The following UNC5D variants were observed in gnomAD, a reference collection of about 807,000 sequenced individuals.
UNC5D encodes netrin receptor UNC5D.
Under a neutral mutation model 105.4 loss-of-function variants are expected in UNC5D, and 39 were observed. The observed-to-expected ratio is 0.37, with a 90% confidence interval of 0.29 to 0.48. UNC5D has a LOEUF of 0.48. UNC5D is among the 20% of genes least tolerant of loss of function. UNC5D has a pLI of 0.98. For missense variants in UNC5D, 991 were observed against 1,202.4 expected (o/e 0.82, Z 2.60); for synonymous variants, 452 against 450.4 (o/e 1.00, Z -0.04).
intron 1 of UNC5D, among the ~76,000 whole-genome samples, chr8:35,253,151 T>C (rs907940437): frequency 2.6e-5 from 4 of 151,924 alleles, no homozygotes; most frequent in South Asian, 4.1e-4. Context: ...TAATGTGTTA[T>C]ATGTGATTGG....
At chr8:35,591,286 A>G (rs894440169) in intron 3 of UNC5D, among the ~76,000 whole-genome samples, 1 of 152,148 alleles carries the variant, frequency 6.6e-6, no homozygotes. Flanking sequence ...AAAGAATTTG[A>G]TTAAGTATAC....
At chr8:35,395,878 A>G (rs966825629) in intron 1 of UNC5D, among the ~76,000 whole-genome samples, 3 of 152,176 alleles carry the variant, frequency 2.0e-5, no homozygotes, top group African/African-American at 7.2e-5. Context: ...TCGATTCTTC[A>G]GCACAGGATA....
chr8:35,677,390 A>G (rs1825316184), intron 4 of UNC5D, among the ~76,000 whole-genome samples: 1 of 152,088 alleles, frequency 6.6e-6, no homozygotes, highest in Non-Finnish European at 1.5e-5. Flanking sequence ...GGGGTCTCGT[A>G]CCCAGCACCA....
At chr8:35,450,511 C>G (rs939749634) in intron 1 of UNC5D, among the ~76,000 whole-genome samples, 1 of 152,072 alleles carries the variant, frequency 6.6e-6, no homozygotes, top group Non-Finnish European at 1.5e-5. Flanking sequence ...GTCGAATGAA[C>G]AAAATAATGC....
intron 4 of UNC5D, among the ~76,000 whole-genome samples, chr8:35,676,250 T>G (rs1825211674): frequency 6.6e-6 from 1 of 152,240 alleles, no homozygotes; most frequent in Non-Finnish European, 1.5e-5. Flanking sequence ...AGACCATCTG[T>G]ACATAACACT....
At chr8:35,692,103 T>G (rs1352172504) in intron 7 of UNC5D, among the ~76,000 whole-genome samples, 1 of 152,146 alleles carries the variant, frequency 6.6e-6, no homozygotes, top group African/African-American at 2.4e-5. Context: ...GTTCAAAAAC[T>G]GAAATATCAG....
chr8:35,238,517 G>GTTGT (rs2128798759), intron 1 of UNC5D, among the ~76,000 whole-genome samples: 2 of 152,304 alleles, frequency 1.3e-5, no homozygotes, highest in South Asian at 4.1e-4. Flanking sequence ...TTAAAAGGAG[G>GTTGT]TTGTTTAAAA....
chr8:35,420,145 C>T (rs1371053170), intron 1 of UNC5D, among the ~76,000 whole-genome samples: 2 of 152,150 alleles, frequency 1.3e-5, no homozygotes, highest in Non-Finnish European at 2.9e-5. Flanking sequence ...CCTGTGCCTG[C>T]CTGCCTAGGA....
chr8:35,466,044 G>A (rs766630417), intron 1 of UNC5D, among the ~76,000 whole-genome samples: 9 of 152,182 alleles, frequency 5.9e-5, no homozygotes, highest in Non-Finnish European at 8.8e-5. Flanking sequence ...AGTGATGCCT[G>A]TATTAGACTT....
chr8:35,728,494 G>A (rs1377031891), intron 10 of UNC5D, among the ~76,000 whole-genome samples: 1 of 152,172 alleles, frequency 6.6e-6, no homozygotes, highest in East Asian at 1.9e-4. Context: ...CCTTGAAATG[G>A]GGCATTTTCA....
At chr8:35,773,796 T>G (rs1011249796) in intron 15 of UNC5D, among the ~76,000 whole-genome samples, 2 of 152,162 alleles carry the variant, frequency 1.3e-5, no homozygotes, top group African/African-American at 4.8e-5. Context: ...GATCTCAACT[T>G]ACTGCAACTT....
intron 1 of UNC5D, among the ~76,000 whole-genome samples, chr8:35,424,567 A>G (rs1426610054): frequency 1.3e-5 from 2 of 152,158 alleles, no homozygotes. Context: ...ACAAAGCTTT[A>G]AAAAACAAGA....
chr8:35,637,303 G>T (rs1413022905), intron 4 of UNC5D, among the ~76,000 whole-genome samples: 1 of 152,066 alleles, frequency 6.6e-6, no homozygotes, highest in Non-Finnish European at 1.5e-5. Context: ...GCACAACTAG[G>T]ATCAATTGTC....
At chr8:35,575,056 C>A (rs887389225) in intron 3 of UNC5D, among the ~76,000 whole-genome samples, 5 of 152,076 alleles carry the variant, frequency 3.3e-5, no homozygotes, top group Non-Finnish European at 7.4e-5. Flanking sequence ...CTCTGTGGCA[C>A]CCCCAGCTTC....
At chr8:35,264,707 G>A (rs181302680) in intron 1 of UNC5D, among the ~76,000 whole-genome samples, 1 of 149,632 alleles carries the variant, frequency 6.7e-6, no homozygotes, top group African/African-American at 2.5e-5. Flanking sequence ...TCCAGCCTGG[G>A]TGATGGAGCA....
intron 1 of UNC5D, among the ~76,000 whole-genome samples, chr8:35,456,625 T>C (rs1030457037): frequency 6.6e-6 from 1 of 152,222 alleles, no homozygotes; most frequent in Non-Finnish European, 1.5e-5. Context: ...AGCGTCACTT[T>C]GCCTAAAAGT....
chr8:35,495,646 C>A (rs938442008), intron 1 of UNC5D, among the ~76,000 whole-genome samples: 4 of 151,984 alleles, frequency 2.6e-5, no homozygotes, highest in African/African-American at 9.7e-5. Flanking sequence ...TATTTCCATT[C>A]TGGTGCCCCT....
At chr8:35,718,058 TCA>T (rs1563700249) in intron 8 of UNC5D, among the ~76,000 whole-genome samples, 1 of 151,954 alleles carries the variant, frequency 6.6e-6, no homozygotes, top group Non-Finnish European at 1.5e-5. Context: ...ACAAGAGATT[TCA>T]CAGTCAGTGC....
chr8:35,675,264 A>AAAT (rs1260920019), intron 4 of UNC5D, among the ~76,000 whole-genome samples: 1 of 152,152 alleles, frequency 6.6e-6, no homozygotes, highest in African/African-American at 2.4e-5. Flanking sequence ...TCTATCCGTA[A>AAAT]AATACAGTTT....
Sources: gnomAD v4.1 joint callset for allele counts (sites outside exome capture counted in the v4.1 genomes callset) on GRCh38, gnomAD v4.1.1 for gene constraint, MANE v1.5 for transcripts, NCBI Gene and HGNC (gene_info 2026-07-23, HGNC 2026-07-21) for gene names.